Variants in OPCML observed in about 807,000 individuals in gnomAD.
OPCML encodes the protein opioid-binding protein/cell adhesion molecule.
OPCML carries 13 observed loss-of-function variants against 37.8 expected under a neutral mutation model. The ratio of observed to expected loss-of-function variants is 0.34; its 90% confidence interval spans 0.22 to 0.55. The LOEUF is 0.55. Ranked by LOEUF, OPCML falls within the 20% of genes least tolerant of loss-of-function variation. The pLI is 0.91. For synonymous variants in OPCML, 176 were observed against 168.8 expected (o/e 1.04, Z -0.33); for missense variants, 341 against 435.6 (o/e 0.78, Z 1.93).
At chr11:133,070,604 C>CCAAAG (rs1948516175) in intron 1 of OPCML, among the ~76,000 whole-genome samples, 1 of 152,130 alleles carries the variant, frequency 6.6e-6, no homozygotes, top group South Asian at 2.1e-4. Context: ...GTGGCTAATT[C>CCAAAG]CAAAGAAGGT....
intron 4 of OPCML, 93 bp downstream of exon 4, chr11:132,528,968 A>G: frequency 1.4e-6 from 1 of 691,532 alleles, no homozygotes; most frequent in South Asian, 2.4e-5. Context: ...ACTGGATTAC[A>G]AAATGTTTTC....
At chr11:132,968,693 T>C (rs1946270020) in intron 1 of OPCML, among the ~76,000 whole-genome samples, 1 of 152,200 alleles carries the variant, frequency 6.6e-6, no homozygotes. Context: ...TTTAAGCATA[T>C]CATTAATCTT....
At position 132,973,430 on chromosome 11, in the gene OPCML, A is replaced by G. The variant is rs773593538; in HGVS notation, c.62-30420T>C. ...CCATTGACTCCTGTACTTTAACTCAATTCAAAAGGTTTCTACTTTCTTCAG... is the reference window on the plus strand; with the variant it reads ...CCATTGACTCCTGTACTTTAACTCAGTTCAAAAGGTTTCTACTTTCTTCAG... On this transcript the variant is annotated intron_variant, in intron 1 of 7. Transcript: ENST00000524381. Among the ~76,000 whole-genome samples the G allele has an allele frequency of 2.4e-4, 36 of 152,164 alleles. 1 individual carries two copies. Among genetic ancestry groups the G allele is most frequent in the Admixed American group, 3.3e-4 (5 of 15,284 alleles).
At chr11:133,262,925 G>A (rs1242865596) in intron 1 of OPCML, among the ~76,000 whole-genome samples, 1 of 151,878 alleles carries the variant, frequency 6.6e-6, no homozygotes, top group Non-Finnish European at 1.5e-5. Context: ...GATCAGCGAT[G>A]TTCAGGAGAA....
chr11:132,516,431 C>T (rs564176906), intron 4 of OPCML, among the ~76,000 whole-genome samples: 98 of 152,046 alleles, frequency 6.4e-4, no homozygotes, highest in Non-Finnish European at 1.1e-3. Flanking sequence ...TTCTCTGGCA[C>T]GCTACAGGAT....
chr11:133,078,308 T>C (rs1948654598), intron 1 of OPCML, among the ~76,000 whole-genome samples: 2 of 152,140 alleles, frequency 1.3e-5, no homozygotes, highest in Non-Finnish European at 2.9e-5. Flanking sequence ...CCCAACACAG[T>C]ATCACCTACA....
chr11:132,798,865 A>G (rs544242149), intron 2 of OPCML, among the ~76,000 whole-genome samples: 16 of 152,350 alleles, frequency 1.1e-4, no homozygotes, highest in African/African-American at 3.6e-4. Context: ...TCTTGGGTAG[A>G]TTGTCAAAGA....
chr11:133,424,647 TA>T (rs1945963382), intron 1 of OPCML, among the ~76,000 whole-genome samples: 1 of 152,228 alleles, frequency 6.6e-6, no homozygotes, highest in African/African-American at 2.4e-5. Context: ...TTGTATTTTC[TA>T]TTCTAAAAAT....
At chr11:132,565,126 A>C (rs1236547198) in intron 3 of OPCML, among the ~76,000 whole-genome samples, 5 of 152,172 alleles carry the variant, frequency 3.3e-5, no homozygotes, top group Non-Finnish European at 5.9e-5. Context: ...AAAAACAAAA[A>C]TAGGAAGCAT....
intron 3 of OPCML, among the ~76,000 whole-genome samples, chr11:132,566,656 G>A (rs1468785934): frequency 6.6e-6 from 1 of 152,204 alleles, no homozygotes; most frequent in Non-Finnish European, 1.5e-5. Context: ...ATCCCACAAA[G>A]AGCTTTTGTG....
At chr11:132,463,246 A>G (rs2096108837) in intron 4 of OPCML, among the ~76,000 whole-genome samples, 1 of 152,146 alleles carries the variant, frequency 6.6e-6, no homozygotes, top group Admixed American at 6.5e-5. Context: ...TCTTTTCTCA[A>G]CACTATCACA....
chr11:132,818,872 A>G (rs1048776695), intron 2 of OPCML, among the ~76,000 whole-genome samples: 2 of 150,218 alleles, frequency 1.3e-5, no homozygotes, highest in Admixed American at 1.3e-4. Context: ...GCACATGTAT[A>G]CATGTGTAAC....
chr11:133,170,781 G>T (rs971803156), intron 1 of OPCML, among the ~76,000 whole-genome samples: 1 of 152,192 alleles, frequency 6.6e-6, no homozygotes, highest in Admixed American at 6.5e-5. Context: ...AAACAGGAAA[G>T]GTCTACCTGG....
Position 132,861,841 on chromosome 11 carries a change from A to T in OPCML, c.146+81085T>A, listed in dbSNP as rs1057058775. On this transcript the variant is annotated intron_variant, in intron 2 of 7. Coordinates refer to ENST00000524381, the MANE Select transcript of OPCML (RefSeq NM_001012393.5). ...CAGAGTGAGACTCCATCTCAAATAA[A>T]AAAAAAAAAAAAAAACAAAAACTGT... 2.6e-5 allele frequency among the ~76,000 whole-genome samples: 4 copies of T among 150,976 alleles called. No homozygotes were observed. In the East Asian group the frequency reaches 5.8e-4, roughly 22 times the overall value.
intron 1 of OPCML, among the ~76,000 whole-genome samples, chr11:133,394,087 C>A (rs1210586379): frequency 2.4e-4 from 36 of 152,178 alleles, no homozygotes. Context: ...CTTTCCTCTG[C>A]CCCATGCTTA....
chr11:132,986,446 A>G (rs1321201077), intron 1 of OPCML, among the ~76,000 whole-genome samples: 1 of 152,196 alleles, frequency 6.6e-6, no homozygotes, highest in Admixed American at 6.5e-5. Context: ...GAGAGAAGTC[A>G]GTCTCCAACA....
chr11:133,047,275 G>C (rs1948034216), intron 1 of OPCML, among the ~76,000 whole-genome samples: 1 of 152,256 alleles, frequency 6.6e-6, no homozygotes, highest in African/African-American at 2.4e-5. Context: ...AGAGCCATGA[G>C]TGTTCCTCTG....
chr11:132,681,241 G>A (rs1344393737), intron 2 of OPCML, among the ~76,000 whole-genome samples: 1 of 152,224 alleles, frequency 6.6e-6, no homozygotes, highest in Non-Finnish European at 1.5e-5. Context: ...GCTGCCCACA[G>A]TAAGAACTTT....
chr11:133,058,890 A>C (rs1280511894), intron 1 of OPCML, among the ~76,000 whole-genome samples: 2 of 152,238 alleles, frequency 1.3e-5, no homozygotes, highest in Non-Finnish European at 2.9e-5. Flanking sequence ...TGAAGTGTGA[A>C]GATGCCCACA....
Sources: gnomAD v4.1 joint callset for allele counts (sites outside exome capture counted in the v4.1 genomes callset) on GRCh38, gnomAD v4.1.1 for gene constraint, MANE v1.5 for transcripts, NCBI Gene and HGNC (gene_info 2026-07-23, HGNC 2026-07-21) for gene names.